Variants in CACNA1C observed in about 807,000 individuals in gnomAD.
CACNA1C encodes the protein calcium voltage-gated channel subunit alpha1 C.
Under a neutral mutation model 229.0 loss-of-function variants are expected in CACNA1C, and 30 were observed. The observed-to-expected ratio is 0.13, with a 90% CI of 0.10 to 0.18. The LOEUF is 0.18. Ranked by LOEUF, CACNA1C falls within the 10% of genes least tolerant of loss-of-function variation. The probability of loss-of-function intolerance (pLI) is 1.00; values close to 1 mark genes in which losing one functional copy is unlikely to be tolerated. For synonymous variants in CACNA1C, 1,114 were observed against 1,132.5 expected, an observed-to-expected ratio of 0.98 and a Z score of 0.33; for missense variants, 1,658 against 2,845.0, an observed-to-expected ratio of 0.58 and a Z score of 9.49.
rs1341609556 is a variant in CACNA1C at position 2,693,412 on chromosome 12, T to G, written c.*2213T>G. The stretch of plus-strand genomic sequence containing the variant: ...ACTAACCGGGAGGATAAAATTAAAG[T>G]CAGGCTGCTTGGAGGGAGGGGCATC... On this transcript the variant is annotated 3_prime_UTR_variant, in exon 47 of 47. Coordinates refer to ENST00000399655, the MANE Select transcript of CACNA1C (RefSeq NM_000719.7). The G allele has an allele frequency of 1.3e-4, 20 of 152,214 alleles. No homozygotes were observed. The highest frequency in any genetic ancestry group is 1.3e-3 in the Admixed American group (20 of 15,292). The allele number at this position is 152,214 out of a possible 1,614,324, so 9.4% of individuals were successfully genotyped here.
chr12:2,309,706 G>A (rs1449925991), intron 3 of CACNA1C, among the ~76,000 whole-genome samples: 1 of 152,188 alleles, frequency 6.6e-6, no homozygotes, highest in Non-Finnish European at 1.5e-5. Flanking sequence ...AAGTAAATAA[G>A]AAGAAAGTAT....
intron 3 of CACNA1C, among the ~76,000 whole-genome samples, chr12:2,270,645 C>T (rs919079967): frequency 6.6e-6 from 1 of 152,138 alleles, no homozygotes; most frequent in Non-Finnish European, 1.5e-5. Context: ...CTCAGGAGGC[C>T]AGGATGGAGG....
At chr12:2,472,164 C>T (rs190596479) in intron 5 of CACNA1C, among the ~76,000 whole-genome samples, 8 of 152,172 alleles carry the variant, frequency 5.3e-5, no homozygotes, top group African/African-American at 1.4e-4. Context: ...TTTTCAAGTT[C>T]GGGACTTTTG....
chr12:2,578,889 C>T (rs1037808545), intron 13 of CACNA1C, among the ~76,000 whole-genome samples: 2 of 152,124 alleles, frequency 1.3e-5, no homozygotes, highest in Non-Finnish European at 1.5e-5. Flanking sequence ...CTTTGGCCTT[C>T]GCTCTAGGAG....
intron 1 of CACNA1C, among the ~76,000 whole-genome samples, chr12:1,984,778 T>TAA (rs764705302): frequency 0.21 from 17,367 of 80,894 alleles, 1,921 homozygotes; most frequent in South Asian, 0.27. Context: ...GGTCTTCTGG[T>TAA]AAAAAAAAAA....
At chr12:2,280,348 G>A (rs1188305689) in intron 3 of CACNA1C, among the ~76,000 whole-genome samples, 15 of 80,758 alleles carry the variant, frequency 1.9e-4, no homozygotes, top group African/African-American at 6.9e-4. Context: ...GCTGTGCTTC[G>A]GTTTGACCTC....
chr12:2,081,923 T>C (rs2065797352), intron 1 of CACNA1C, among the ~76,000 whole-genome samples: 1 of 152,148 alleles, frequency 6.6e-6, no homozygotes, highest in Non-Finnish European at 1.5e-5. Flanking sequence ...ACAACTAATA[T>C]ATGCGGAGTT....
chr12:2,016,966 A>G (rs2045497775), intron 1 of CACNA1C, among the ~76,000 whole-genome samples: 1 of 152,226 alleles, frequency 6.6e-6, no homozygotes, highest in South Asian at 2.1e-4. Context: ...CCTTAAGGAT[A>G]TAGCCAACTC....
intron 1 of CACNA1C, among the ~76,000 whole-genome samples, chr12:2,014,741 A>T (rs1047300765): frequency 5.3e-5 from 8 of 152,224 alleles, no homozygotes; most frequent in Non-Finnish European, 1.0e-4. Context: ...CCTAAGAGTT[A>T]GAGGCTGGTC....
At chr12:1,981,059 C>T (rs185683839) in intron 1 of CACNA1C, among the ~76,000 whole-genome samples, 7 of 152,304 alleles carry the variant, frequency 4.6e-5, no homozygotes, top group Admixed American at 2.6e-4. Context: ...TCCCACATTA[C>T]ATATCTCTTC....
intron 1 of CACNA1C, among the ~76,000 whole-genome samples, chr12:2,110,640 A>G (rs1397588888): frequency 6.6e-6 from 1 of 152,188 alleles, no homozygotes; most frequent in East Asian, 1.9e-4. Flanking sequence ...ATTGAGCCAG[A>G]GATGGGGATT....
intron 5 of CACNA1C, among the ~76,000 whole-genome samples, chr12:2,483,964 G>A (rs930990993): frequency 6.6e-6 from 1 of 152,106 alleles, no homozygotes; most frequent in African/African-American, 2.4e-5. Context: ...TAGATGATAA[G>A]TTTTGTCACT....
intron 29 of CACNA1C, among the ~76,000 whole-genome samples, chr12:2,629,269 G>A (rs1246396144): frequency 2.7e-5 from 4 of 150,506 alleles, no homozygotes; most frequent in Admixed American, 2.6e-4. Flanking sequence ...CCAGTTGGCA[G>A]GAGGCCCATG....
intron 3 of CACNA1C, among the ~76,000 whole-genome samples, chr12:2,395,929 C>T (rs184363051): frequency 2.6e-5 from 4 of 152,264 alleles, no homozygotes; most frequent in South Asian, 2.1e-4. Flanking sequence ...AGCCAGGATC[C>T]GGTACTAGGG....
chr12:2,510,685 A>T (rs1001377306), intron 8 of CACNA1C, among the ~76,000 whole-genome samples: 1 of 152,012 alleles, frequency 6.6e-6, no homozygotes, highest in Non-Finnish European at 1.5e-5. Flanking sequence ...CAGAACTTGA[A>T]CCCTCTGCAA....
chr12:2,242,503 C>CA (rs1157759992), intron 3 of CACNA1C, among the ~76,000 whole-genome samples: 9 of 152,174 alleles, frequency 5.9e-5, no homozygotes, highest in Non-Finnish European at 1.2e-4. Context: ...CTTTTCAAGG[C>CA]AAAAATTTGG....
chr12:2,120,001 A>G (rs1247282776), intron 2 of CACNA1C, among the ~76,000 whole-genome samples: 1 of 152,248 alleles, frequency 6.6e-6, no homozygotes, highest in Non-Finnish European at 1.5e-5. Flanking sequence ...TGCTCTTTAG[A>G]GGCAACCTCA....
rs192688147 is a variant in CACNA1C, at chr12:1,978,223, C to T, written c.139+7022C>T. 3.5e-3 allele frequency among the ~76,000 whole-genome samples: 530 copies of T among 152,338 alleles called. 18 individuals are homozygous for T. The highest frequency in any genetic ancestry group is 0.031 in the Admixed American group (477 of 15,294). On this transcript the variant is annotated intron_variant, in intron 1 of 46. Coordinates refer to the CACNA1C transcript ENST00000682462. ...CTGATCTGGAAACTAGAAATGCAGA[C>T]TCAACTATTTCTATTACCTCACATT...
intron 3 of CACNA1C, among the ~76,000 whole-genome samples, chr12:2,433,730 C>T (rs2099108657): frequency 6.6e-6 from 1 of 152,130 alleles, no homozygotes; most frequent in African/African-American, 2.4e-5. Flanking sequence ...CAAGATCGGC[C>T]TCCGTCTCGT....
Sources: allele counts gnomAD v4.1 joint callset (sites outside exome capture counted in the v4.1 genomes callset), GRCh38; gene constraint gnomAD v4.1.1; transcripts MANE v1.5; gene names NCBI Gene and HGNC (gene_info 2026-07-23, HGNC 2026-07-21).